Variants in IDE observed in about 807,000 individuals in gnomAD.
IDE encodes insulin-degrading enzyme.
Under a neutral mutation model 133.2 loss-of-function variants are expected in IDE, and 58 were observed. The observed-to-expected ratio is 0.44, with a 90% CI of 0.35 to 0.54. The LOEUF (loss-of-function observed/expected upper bound fraction) is 0.54, where lower values mean the gene tolerates loss of function less well. IDE is among the 20% of genes least tolerant of loss of function. The pLI, the probability that IDE is intolerant of heterozygous loss-of-function variation, is 0.00. For missense variants in IDE, 981 were observed against 1,234.0 expected (o/e 0.79, Z 3.07); for synonymous variants, 396 against 421.3 (o/e 0.94, Z 0.73).
intron 5 of IDE, among the ~76,000 whole-genome samples, chr10:92,512,485 C>T (rs2135558386): frequency 6.6e-6 from 1 of 151,484 alleles, no homozygotes; most frequent in African/African-American, 2.4e-5. Context: ...AGGTTTGATT[C>T]ATCTATTGCC....
intron 1 of IDE, chr10:92,554,597 C>T (rs534933528): frequency 6.6e-6 from 1 of 151,828 alleles, no homozygotes; most frequent in Non-Finnish European, 1.5e-5. Context: ...CCTGTAATCC[C>T]AACACTTTGA....
At chr10:92,557,678 C>T (rs1843076511) in intron 1 of IDE, among the ~76,000 whole-genome samples, 1 of 151,918 alleles carries the variant, frequency 6.6e-6, no homozygotes, top group Admixed American at 6.6e-5. Context: ...TCACTTGATG[C>T]CAGGAGTTCG....
intron 4 of IDE, among the ~76,000 whole-genome samples, chr10:92,515,261 CTT>C (rs1220283000): frequency 8.2e-4 from 114 of 138,960 alleles, no homozygotes; most frequent in African/African-American, 2.5e-3. Context: ...TTAAAAGTGT[CTT>C]TTTTTTTTTT....
intron 4 of IDE, among the ~76,000 whole-genome samples, chr10:92,517,941 TATAA>T (rs928876709): frequency 6.6e-6 from 1 of 151,900 alleles, no homozygotes; most frequent in Non-Finnish European, 1.5e-5. Flanking sequence ...AATAAAATAA[TATAA>T]ATAAATAAAT....
chr10:92,510,592 TGAA>T (rs1848528481), intron 5 of IDE, among the ~76,000 whole-genome samples: 2 of 151,782 alleles, frequency 1.3e-5, no homozygotes, highest in African/African-American at 2.4e-5. Flanking sequence ...TTGACACGTA[TGAA>T]GGACTCCAAA....
intron 9 of IDE, among the ~76,000 whole-genome samples, chr10:92,507,216 T>C (rs921150149): frequency 1.3e-5 from 2 of 152,134 alleles, no homozygotes; most frequent in Non-Finnish European, 2.9e-5. Flanking sequence ...GCTACAGATT[T>C]AAAGATCTGA....
chr10:92,558,504 A>G (rs926722142), intron 1 of IDE, among the ~76,000 whole-genome samples: 1 of 152,240 alleles, frequency 6.6e-6, no homozygotes, highest in African/African-American at 2.4e-5. Flanking sequence ...AAAGAACACC[A>G]TCAAGAAAGT....
intron 1 of IDE, among the ~76,000 whole-genome samples, chr10:92,562,528 A>G (rs975869207): frequency 1.2e-4 from 18 of 152,354 alleles, no homozygotes; most frequent in African/African-American, 4.3e-4. Context: ...TAGAGAGAAT[A>G]AGGCATTTTT....
chr10:92,566,315 C>T (rs1262444735), intron 1 of IDE, among the ~76,000 whole-genome samples: 1 of 151,870 alleles, frequency 6.6e-6, no homozygotes, highest in East Asian at 1.9e-4. Context: ...CACCTGAGCC[C>T]AGAGAGGTCA....
chr10:92,515,761 T>C (rs1459162628), intron 4 of IDE, among the ~76,000 whole-genome samples: 3 of 150,062 alleles, frequency 2.0e-5, no homozygotes, highest in African/African-American at 2.4e-5. Context: ...GGTTTCTCCA[T>C]GTTGGTCAGG....
chr10:92,554,545 TAA>T (rs11418454), intron 1 of IDE, among the ~76,000 whole-genome samples: 2 of 137,584 alleles, frequency 1.5e-5, no homozygotes, highest in Non-Finnish European at 1.5e-5. Flanking sequence ...AACAGTGTCT[TAA>T]AAAAAAAAAA....
chr10:92,545,986 G>A (rs1842519373), intron 1 of IDE, among the ~76,000 whole-genome samples: 1 of 152,086 alleles, frequency 6.6e-6, no homozygotes, highest in Non-Finnish European at 1.5e-5. Context: ...ATTCAAACTA[G>A]CCCAAACCAG....
intron 2 of IDE, among the ~76,000 whole-genome samples, chr10:92,537,098 AT>A (rs1472474316): frequency 1.3e-5 from 2 of 152,268 alleles, no homozygotes; most frequent in East Asian, 3.9e-4. Flanking sequence ...AAAAAAAAAA[AT>A]CATAACTGTT....
intron 11 of IDE, among the ~76,000 whole-genome samples, chr10:92,494,669 G>A (rs563918688): frequency 2.0e-5 from 3 of 152,266 alleles, no homozygotes; most frequent in South Asian, 2.1e-4. Context: ...AGGAAACAGC[G>A]GGCTAGAATG....
chr10:92,508,087 A>G, intron 8 of IDE, 26 bp downstream of exon 8: 1 of 1,507,514 alleles, frequency 6.6e-7, no homozygotes, highest in Non-Finnish European at 9.2e-7. Context: ...TTTCATTCAA[A>G]AGTAAAAAGG....
intron 5 of IDE, among the ~76,000 whole-genome samples, chr10:92,510,793 T>C (rs897908667): frequency 7.7e-6 from 1 of 130,066 alleles, no homozygotes; most frequent in East Asian, 2.3e-4. Flanking sequence ...TCTCACATGA[T>C]ATATAGCACA....
At chr10:92,503,172 G>A (rs1170599754) in intron 11 of IDE, among the ~76,000 whole-genome samples, 7 of 152,078 alleles carry the variant, frequency 4.6e-5, no homozygotes, top group Non-Finnish European at 7.4e-5. Flanking sequence ...GCTCACGACG[G>A]CTGTAATCCC....
chr10:92,479,522 T>C (rs1297498282), intron 14 of IDE, 101 bp from the exon 15 acceptor site: 10 of 866,348 alleles, frequency 1.2e-5, no homozygotes, highest in Non-Finnish European at 1.8e-5. Context: ...GTTAATATGA[T>C]TTCCTGAGGA....
intron 1 of IDE, 65 bp from the exon 2 acceptor site, chr10:92,537,615 C>G: frequency 8.5e-7 from 1 of 1,174,646 alleles, no homozygotes. Context: ...ACAATAACGT[C>G]AAGTAAACCC....
Sources: allele counts gnomAD v4.1 joint callset (sites outside exome capture counted in the v4.1 genomes callset), GRCh38; gene constraint gnomAD v4.1.1; transcripts MANE v1.5; gene names NCBI Gene and HGNC (gene_info 2026-07-23, HGNC 2026-07-21).